The following GLI2 variants were observed in gnomAD, a reference collection of about 807,000 sequenced individuals.
GLI2 encodes transcription activator GLI2.
In GLI2, 22 loss-of-function variants were observed where a neutral mutation model predicts 78.9. The observed-to-expected ratio is 0.28, with a 90% CI of 0.20 to 0.40. The LOEUF (loss-of-function observed/expected upper bound fraction) is 0.40. Ranked by LOEUF, GLI2 falls within the 10% of genes least tolerant of loss-of-function variation. The pLI, the probability that GLI2 is intolerant of heterozygous loss-of-function variation, is 1.00. For synonymous variants in GLI2, 974 were observed against 963.7 expected, an observed-to-expected ratio of 1.01 and a Z score of -0.20; for missense variants, 2,097 against 2,213.2, an observed-to-expected ratio of 0.95 and a Z score of 1.05.
chr2:120,774,187 C>T (rs1364387977), intron 1 of GLI2, among the ~76,000 whole-genome samples: 1 of 152,134 alleles, frequency 6.6e-6, no homozygotes, highest in African/African-American at 2.4e-5. Context: ...CTTCCATTCA[C>T]CAATAACTAG....
At position 120,990,477 on chromosome 2, in the gene GLI2, C is replaced by T; in HGVS notation, c.4512C>T (p.His1504=). The change falls in exon 14 of 14, where the codon CAC becomes CAT. Residue 1504 remains histidine (H), a synonymous_variant. Coordinates refer to ENST00000361492, the MANE Select transcript of GLI2 (RefSeq NM_001374353.1). ...ATGCCATCATGGATGATGGCGATCA[C>T]TCGAGTTTGTTCTCGGGTGCTCTGA... The part of the protein sequence containing the change: ...DFDAIMDDGD[H]SSLFSGALSP... 6.2e-7 allele frequency: 1 copy of T among 1,614,058 alleles called. No homozygotes were observed. The highest frequency in any genetic ancestry group is 8.5e-7 in the Non-Finnish European group (1 of 1,179,984).
chr2:120,983,460 C>T (rs1434875209), intron 11 of GLI2, among the ~76,000 whole-genome samples: 1 of 152,194 alleles, frequency 6.6e-6, no homozygotes, highest in East Asian at 1.9e-4. Context: ...GAGCAGCTGC[C>T]CCACTGCCTG....
At chr2:120,793,427 CCCCTGGAGG>C (rs1265180307) in intron 1 of GLI2, among the ~76,000 whole-genome samples, 1 of 152,206 alleles carries the variant, frequency 6.6e-6, no homozygotes, top group Non-Finnish European at 1.5e-5. Flanking sequence ...CCCCAGGCAG[CCCCTGGAGG>C]CCCAGATGAG....
intron 1 of GLI2, among the ~76,000 whole-genome samples, chr2:120,779,462 C>T (rs1432982709): frequency 2.0e-5 from 3 of 152,040 alleles, no homozygotes; most frequent in African/African-American, 4.8e-5. Context: ...TGGTGCATGA[C>T]GGCAAAGGTG....
At chr2:120,752,134 A>G (rs1367102598) in intron 1 of GLI2, among the ~76,000 whole-genome samples, 4 of 152,168 alleles carry the variant, frequency 2.6e-5, no homozygotes, top group African/African-American at 2.4e-5. Context: ...CAGTGGGATC[A>G]TACTACTGCA....
At chr2:120,763,938 G>A (rs1411695298) in intron 1 of GLI2, among the ~76,000 whole-genome samples, 1 of 152,262 alleles carries the variant, frequency 6.6e-6, no homozygotes, top group African/African-American at 2.4e-5. Context: ...GCCAGCCAGG[G>A]CTTTGCGAAG....
intron 2 of GLI2, among the ~76,000 whole-genome samples, chr2:120,829,286 C>T (rs1686242091): frequency 6.6e-6 from 1 of 152,350 alleles, no homozygotes; most frequent in African/African-American, 2.4e-5. Flanking sequence ...GTTAGTACTT[C>T]CATAAACGAT....
intron 2 of GLI2, among the ~76,000 whole-genome samples, chr2:120,858,776 T>TG (rs549954672): frequency 2.0e-5 from 3 of 152,194 alleles, no homozygotes; most frequent in African/African-American, 7.2e-5. Flanking sequence ...CCTGCAGTGC[T>TG]GGGGGGCACA....
At chr2:120,927,489 T>G (rs749832109) in intron 3 of GLI2, 23 bp downstream of exon 3, 43 of 1,512,122 alleles carry the variant, frequency 2.8e-5, no homozygotes, top group Non-Finnish European at 3.7e-5. Context: ...CTCTGCCTGC[T>G]GCTCCTGGCG....
At chr2:120,809,688 C>T (rs1349375103) in intron 2 of GLI2, among the ~76,000 whole-genome samples, 1 of 152,206 alleles carries the variant, frequency 6.6e-6, no homozygotes, top group East Asian at 1.9e-4. Flanking sequence ...CACCGCTACC[C>T]CTCAGGGAGG....
intron 3 of GLI2, among the ~76,000 whole-genome samples, chr2:120,932,965 TG>T (rs1165900928): frequency 3.9e-5 from 6 of 152,132 alleles, no homozygotes; most frequent in African/African-American, 1.4e-4. Flanking sequence ...TTCCTCCTTT[TG>T]GCAACCAGGA....
chr2:120,857,430 C>CA lies in GLI2; in HGVS notation c.148+59963dup, dbSNP rs1336384090. Among the ~76,000 whole-genome samples, 124 of 118,430 alleles carry CA rather than the reference C, an allele frequency of 1.0e-3. 1 individual carries two copies. The highest frequency in any genetic ancestry group is 3.9e-3 in the African/African-American group (116 of 29,904). 77.7% of individuals were successfully genotyped at this position (118,430 alleles called of 152,430 possible). A position where few individuals can be genotyped will look rare whatever the true frequency, so the allele number is the denominator to read the frequency against. On this transcript the variant is annotated intron_variant, in intron 2 of 13. Transcript: ENST00000361492. ...CTACCCATCTGCCCACCCACCCACC[C>CA]ACCTACCTACCCATCTGCTCACCCA... is the stretch of plus-strand genomic sequence containing the variant.
chr2:120,846,582 G>A lies in GLI2; in HGVS notation c.148+49114G>A, dbSNP rs541356091. ...TTTTCCAACAGCCCCTGGTCGTGCC[G>A]AAGCACCTGTCCTGCCTTTCTGTTC... On this transcript the variant is annotated intron_variant, in intron 2 of 13. Coordinates refer to ENST00000361492, the MANE Select transcript of GLI2 (RefSeq NM_001374353.1). 4.3e-3 allele frequency among the ~76,000 whole-genome samples: 659 copies of A among 152,304 alleles called. 2 individuals are homozygous for A. The highest frequency in any genetic ancestry group is 0.015 in the African/African-American group (620 of 41,572).
chr2:120,851,501 T>TGTC (rs1687406066), intron 2 of GLI2, among the ~76,000 whole-genome samples: 1 of 152,254 alleles, frequency 6.6e-6, no homozygotes, highest in East Asian at 1.9e-4. Flanking sequence ...AGGAAGGCTT[T>TGTC]GTCAAGGCTG....
At chr2:120,893,408 C>A (rs952360980) in intron 2 of GLI2, among the ~76,000 whole-genome samples, 1 of 152,280 alleles carries the variant, frequency 6.6e-6, no homozygotes, top group South Asian at 2.1e-4. Context: ...CCCCAGCCCC[C>A]GCTGGCCCTG....
chr2:120,796,843 G>A (rs1049923199), intron 1 of GLI2, among the ~76,000 whole-genome samples: 4 of 152,214 alleles, frequency 2.6e-5, no homozygotes, highest in Non-Finnish European at 5.9e-5. Flanking sequence ...AGGAGTGAGC[G>A]AACATGCAGA....
intron 2 of GLI2, among the ~76,000 whole-genome samples, chr2:120,846,325 A>C (rs952262998): frequency 2.6e-5 from 4 of 152,210 alleles, no homozygotes; most frequent in African/African-American, 7.2e-5. Context: ...CTGGCTGCTC[A>C]GCAAAAATCA....
intron 3 of GLI2, among the ~76,000 whole-genome samples, chr2:120,946,836 C>T (rs994630976): frequency 6.6e-6 from 1 of 152,222 alleles, no homozygotes; most frequent in African/African-American, 2.4e-5. Flanking sequence ...GCAATGCTGG[C>T]GTGTTTCAGG....
intron 2 of GLI2, among the ~76,000 whole-genome samples, chr2:120,886,924 C>A (rs1484137736): frequency 6.6e-6 from 1 of 152,220 alleles, no homozygotes; most frequent in Non-Finnish European, 1.5e-5. Flanking sequence ...TCCAAGATGC[C>A]TGGGGCTCAC....
Sources: allele counts gnomAD v4.1 joint callset (sites outside exome capture counted in the v4.1 genomes callset), GRCh38; gene constraint gnomAD v4.1.1; transcripts MANE v1.5; gene names NCBI Gene and HGNC (gene_info 2026-07-23, HGNC 2026-07-21).